Variants in RPAP2 observed in about 807,000 individuals in gnomAD.
RPAP2 encodes the protein putative RNA polymerase II subunit B1 CTD phosphatase RPAP2.
RPAP2 carries 52 observed loss-of-function variants against 73.1 expected under a neutral mutation model. The ratio of observed to expected loss-of-function variants is 0.71; its 90% CI spans 0.57 to 0.90. RPAP2 has a LOEUF of 0.90. RPAP2 is among the 40% of genes least tolerant of loss of function. The probability of loss-of-function intolerance (pLI) is 0.00; values close to 1 mark genes in which losing one functional copy is unlikely to be tolerated. For missense variants in RPAP2, 598 were observed against 701.8 expected (o/e 0.85, Z 1.67); for synonymous variants, 225 against 242.1 (o/e 0.93, Z 0.65).
chr1:92,359,082 A>T (rs1174310437), intron 11 of RPAP2, among the ~76,000 whole-genome samples: 1 of 152,198 alleles, frequency 6.6e-6, no homozygotes, highest in Non-Finnish European at 1.5e-5. Flanking sequence ...GATTTTCTCA[A>T]AGCCTCTACT....
intron 7 of RPAP2, among the ~76,000 whole-genome samples, chr1:92,321,469 T>C (rs530887042): frequency 6.6e-6 from 1 of 151,976 alleles, no homozygotes; most frequent in Non-Finnish European, 1.5e-5. Flanking sequence ...CTTTTATATA[T>C]ATATATATTT....
In RPAP2 at chr1:92,321,073, C is replaced by G. The variant is rs1359816442; in HGVS notation, c.524+439C>G. On this transcript the variant is annotated intron_variant, in intron 7 of 12. Coordinates refer to ENST00000610020, the MANE Select transcript of RPAP2 (RefSeq NM_024813.3). ...TCCAAGTTGTGATTTTCTTTCTAAA[C>G]TTTCCTCATGGTATTGTTTGCCTGA... Among the ~76,000 whole-genome samples, 3 of 152,164 alleles carry G rather than the reference C, an allele frequency of 2.0e-5. No individual in the cohort carries two copies. In the East Asian group the frequency reaches 5.8e-4, roughly 29 times the overall value.
At chr1:92,307,025 T>C (rs1355202245) in intron 5 of RPAP2, among the ~76,000 whole-genome samples, 163 bp from the exon 6 acceptor site, 1 of 152,186 alleles carries the variant, frequency 6.6e-6, no homozygotes, top group Admixed American at 6.5e-5. Context: ...AAGGGGCACA[T>C]AGAGGCCTTC....
chr1:92,336,613 G>C (rs1653293896), intron 10 of RPAP2, among the ~76,000 whole-genome samples, 186 bp downstream of exon 10: 1 of 151,982 alleles, frequency 6.6e-6, no homozygotes. Context: ...ACCTTTATTT[G>C]CTCAAGCCAT....
At position 92,392,809 on chromosome 1, in the gene RPAP2, C is replaced by T. The variant is rs1656089058; in HGVS notation, c.*5798C>T. ...GCTACTAAGAAAATAAAATACAAAG[C>T]ACTGCTCAAGGAAATAAGAGAGGAC... is the stretch of plus-strand genomic sequence containing the variant. On this transcript the variant is annotated 3_prime_UTR_variant, in exon 13 of 13. Coordinates refer to ENST00000610020, the MANE Select transcript of RPAP2 (RefSeq NM_024813.3). 1 of 150,876 alleles carries T rather than the reference C, an allele frequency of 6.6e-6. No homozygotes were observed. The highest frequency in any genetic ancestry group is 2.1e-4 in the South Asian group (1 of 4,794). 9.3% of individuals were successfully genotyped at this position (150,876 alleles called of 1,614,324 possible).
Position 92,398,415 on chromosome 1 carries a change from TC to T in RPAP2, c.*11406del, listed in dbSNP as rs935898495. 1 of 152,210 alleles carries T rather than the reference TC, an allele frequency of 6.6e-6. No homozygotes were observed. The highest frequency in any genetic ancestry group is 1.5e-5 in the Non-Finnish European group (1 of 68,040). 9.4% of individuals were successfully genotyped at this position (152,210 alleles called of 1,614,324 possible). On this transcript the variant is annotated 3_prime_UTR_variant, in exon 13 of 13. Transcript: ENST00000610020. ...TTAGCATCTTCTGCTTATAGTCATG[TC>T]CAAAAACCAGTTGATCTTCCTACTC...
rs34824136 is a variant in RPAP2 at position 92,396,634 on chromosome 1, A to ATGTG, written c.*9644_*9647dup. The stretch of plus-strand genomic sequence containing the variant: ...AAGTTGTAATTTTTGCACAACTTTT[A>ATGTG]TGTGTGTGTGTGTGTGTGTGTGTGA... On this transcript the variant is annotated 3_prime_UTR_variant, in exon 13 of 13. Coordinates refer to ENST00000610020, the MANE Select transcript of RPAP2 (RefSeq NM_024813.3). 0.15 allele frequency: 22,916 copies of ATGTG among 149,876 alleles called. 1,995 individuals carry two copies. Among genetic ancestry groups the ATGTG allele is most frequent in the African/African-American group, 0.24 (9,671 of 40,634 alleles). The allele number at this position is 149,876 out of a possible 1,614,324, so 9.3% of individuals were successfully genotyped here.
rs1656168599 is a variant in RPAP2, at chr1:92,395,721, G to A, written c.*8710G>A. ...AAACCATAATAAGTATCTGATAGAG[G>A]ACTTGTATCTAGACTATGTAAAGAA... On this transcript the variant is annotated 3_prime_UTR_variant, in exon 13 of 13. Coordinates refer to ENST00000610020, the MANE Select transcript of RPAP2 (RefSeq NM_024813.3). The A allele has an allele frequency of 6.6e-6, 1 of 151,614 alleles. No homozygotes were observed. Among genetic ancestry groups the A allele is most frequent in the African/African-American group, 2.4e-5 (1 of 41,304 alleles). 9.4% of individuals were successfully genotyped at this position (151,614 alleles called of 1,614,324 possible). A position where few individuals can be genotyped will look rare whatever the true frequency, so the allele number is the denominator to read the frequency against.
At chr1:92,300,157 T>C (rs754972425) in intron 1 of RPAP2, 37 bp from the exon 2 acceptor site, 4 of 1,479,008 alleles carry the variant, frequency 2.7e-6, no homozygotes, top group Non-Finnish European at 3.8e-6. Context: ...TTTACGGAAA[T>C]GTCATTATGT....
intron 2 of RPAP2, among the ~76,000 whole-genome samples, chr1:92,300,762 T>C (rs926288383): frequency 6.6e-6 from 1 of 152,252 alleles, no homozygotes; most frequent in Non-Finnish European, 1.5e-5. Flanking sequence ...AATCTTATAT[T>C]GGCTTTGGTC....
intron 7 of RPAP2, among the ~76,000 whole-genome samples, chr1:92,321,491 T>C (rs1557599334): frequency 6.6e-6 from 1 of 151,984 alleles, no homozygotes; most frequent in Non-Finnish European, 1.5e-5. Flanking sequence ...TTTCTTTACA[T>C]TTCCCCACAG....
Position 92,324,291 on chromosome 1 carries a change from A to G in RPAP2, c.1371A>G (p.Glu457=). Residue 457 remains glutamate (E), a synonymous_variant, in exon 8 of 13, where the codon GAA becomes GAG. Transcript: ENST00000610020. ...ACGAGAATTTGAAAAAAGAAACTGA[A>G]AAGTTAAATCTGAGGATCAGGGAGT... ...PSYENLKKET[E]KLNLRIREFY... is the part of the protein sequence containing the mutation. 2.5e-6 allele frequency: 4 copies of G among 1,614,034 alleles called. No homozygotes were observed. Among genetic ancestry groups the G allele is most frequent in the Non-Finnish European group, 3.4e-6 (4 of 1,179,962 alleles).
chr1:92,340,948 G>A (rs979225185), intron 10 of RPAP2, among the ~76,000 whole-genome samples: 4 of 152,104 alleles, frequency 2.6e-5, no homozygotes, highest in Admixed American at 1.3e-4. Flanking sequence ...AATTTAATCA[G>A]TGATGAATCA....
Position 92,387,156 on chromosome 1 carries a change from C to A in RPAP2, c.*145C>A. The A allele has an allele frequency of 1.5e-6, 1 of 682,164 alleles. No individual in the cohort carries two copies. The allele number at this position is 682,164 out of a possible 1,614,324, so 42.3% of individuals were successfully genotyped here. On this transcript the variant is annotated 3_prime_UTR_variant, in exon 13 of 13. Coordinates refer to ENST00000610020, the MANE Select transcript of RPAP2 (RefSeq NM_024813.3). ...CTTTAAGTTTCAATCTCCCATCTCCCAGTCCTTCAGTCCCCAACTGCAGAG... is the reference window on the plus strand; with the variant it reads ...CTTTAAGTTTCAATCTCCCATCTCCAAGTCCTTCAGTCCCCAACTGCAGAG...
intron 11 of RPAP2, among the ~76,000 whole-genome samples, chr1:92,378,316 T>C (rs1655479161): frequency 6.6e-6 from 1 of 152,200 alleles, no homozygotes; most frequent in South Asian, 2.1e-4. Flanking sequence ...GCGATTCTCC[T>C]ACCTCAGCCT....
At chr1:92,377,857 C>A (rs1050607243) in intron 11 of RPAP2, among the ~76,000 whole-genome samples, 1 of 152,268 alleles carries the variant, frequency 6.6e-6, no homozygotes, top group East Asian at 1.9e-4. Flanking sequence ...TTTATAGAAT[C>A]ATTTTAGCCT....
rs1654541887 is a variant in RPAP2 at position 92,357,640 on chromosome 1, T to C, written c.1688+11726T>C. Among the ~76,000 whole-genome samples the C allele has an allele frequency of 2.0e-5, 3 of 152,242 alleles. No homozygotes were observed. In the South Asian group the frequency reaches 6.2e-4, roughly 31 times the overall value. Reference sequence around the variant, plus strand: ...TCTGCTTCCCAGGTTCAAGTGATTCTTGTGCCTCATCCTCATGAGTGCTGA... The same window carrying C: ...TCTGCTTCCCAGGTTCAAGTGATTCCTGTGCCTCATCCTCATGAGTGCTGA... On this transcript the variant is annotated intron_variant, in intron 11 of 12. Transcript: ENST00000610020.
chr1:92,334,468 C>A (rs1041297885), intron 9 of RPAP2, among the ~76,000 whole-genome samples: 21 of 152,008 alleles, frequency 1.4e-4, no homozygotes, highest in African/African-American at 5.1e-4. Flanking sequence ...TAAGAAAGTG[C>A]CTTTGTATTT....
chr1:92,336,497 G>A (rs2101246853), intron 10 of RPAP2, 70 bp downstream of exon 10: 2 of 1,052,862 alleles, frequency 1.9e-6, no homozygotes, highest in Non-Finnish European at 2.9e-6. Flanking sequence ...AGAATCCAAA[G>A]GCACAGAGAA....
Sources: allele counts gnomAD v4.1 joint callset (sites outside exome capture counted in the v4.1 genomes callset), GRCh38; gene constraint gnomAD v4.1.1; transcripts MANE v1.5; gene names NCBI Gene and HGNC (gene_info 2026-07-23, HGNC 2026-07-21).